The following COL4A6 variants were observed in gnomAD, a reference collection of about 807,000 sequenced individuals.
The protein encoded by COL4A6 is collagen alpha-6(IV) chain.
COL4A6 carries 59 observed loss-of-function variants against 126.7 expected under a neutral mutation model. The ratio of observed to expected loss-of-function variants is 0.47; its 90% CI spans 0.38 to 0.58. The LOEUF is 0.58. Among genes scored for constraint, COL4A6 ranks in the 20% least tolerant of loss-of-function variants. The pLI, the probability that COL4A6 is intolerant of heterozygous loss-of-function variation, is 0.00. For synonymous variants in COL4A6, 547 were observed against 496.6 expected, an observed-to-expected ratio of 1.10 and a Z score of -1.35; for missense variants, 1,285 against 1,337.3, an observed-to-expected ratio of 0.96 and a Z score of 0.61.
intron 3 of COL4A6, among the ~76,000 whole-genome samples, chrX:108,303,284 GGGAA>G (rs745708265): frequency 4.5e-5 from 5 of 111,013 alleles, no homozygotes; most frequent in Non-Finnish European, 9.5e-5. Context: ...TGGAGCAAGA[GGGAA>G]GGAAGTCTTG....
chrX:108,320,701 T>G (rs1008239356), intron 2 of COL4A6, among the ~76,000 whole-genome samples: 1 of 112,169 alleles, frequency 8.9e-6, no homozygotes, highest in Non-Finnish European at 1.9e-5. Context: ...TGGAATATAA[T>G]AAATTTGTCT....
chrX:108,192,394 C>T, intron 18 of COL4A6, 79 bp downstream of exon 18: 2 of 721,826 alleles, frequency 2.8e-6, no homozygotes, highest in Non-Finnish European at 4.2e-6. Flanking sequence ...TGCCCCGACC[C>T]AGAGGTATAG....
intron 2 of COL4A6, among the ~76,000 whole-genome samples, chrX:108,379,863 C>T (rs1044464228): frequency 2.7e-5 from 3 of 109,910 alleles, no homozygotes; most frequent in South Asian, 4.0e-4. Context: ...GAAGAATATC[C>T]CTCCAGCAGT....
At chrX:108,221,151 C>T (rs781284834) in intron 4 of COL4A6, 89 bp downstream of exon 4, 69 of 1,131,339 alleles carry the variant, frequency 6.1e-5, no homozygotes, top group Non-Finnish European at 7.8e-5. Context: ...GGAATGACAT[C>T]ATAAATGAGC....
chrX:108,318,649 C>T (rs926448091), intron 2 of COL4A6, among the ~76,000 whole-genome samples: 3 of 111,447 alleles, frequency 2.7e-5, no homozygotes, highest in Admixed American at 9.5e-5. Context: ...ATAAAATACC[C>T]AGGAATCCAA....
intron 2 of COL4A6, among the ~76,000 whole-genome samples, chrX:108,352,205 A>G (rs1212859071): frequency 8.9e-6 from 1 of 112,261 alleles, no homozygotes; most frequent in African/African-American, 3.2e-5. Context: ...CTCTATCTCC[A>G]CATAAAAAGA....
intron 3 of COL4A6, among the ~76,000 whole-genome samples, chrX:108,307,268 A>G (rs1370588088): frequency 8.9e-6 from 1 of 111,938 alleles, no homozygotes; most frequent in Non-Finnish European, 1.9e-5. Context: ...AAAGATTGCC[A>G]TTCTCTTAAA....
chrX:108,196,429 G>T, intron 14 of COL4A6, 82 bp downstream of exon 14: 1 of 932,438 alleles, frequency 1.1e-6, no homozygotes, highest in Non-Finnish European at 1.5e-6. Flanking sequence ...CAATCAAGTT[G>T]CAAAACATAA....
At chrX:108,273,211 C>G (rs2037501294) in intron 3 of COL4A6, among the ~76,000 whole-genome samples, 1 of 110,585 alleles carries the variant, frequency 9.0e-6, no homozygotes, top group African/African-American at 3.3e-5. Flanking sequence ...ATTTATGCAG[C>G]CAACAGACAC....
chrX:108,338,321 C>T (rs1380409905), intron 2 of COL4A6, among the ~76,000 whole-genome samples: 3 of 112,136 alleles, frequency 2.7e-5, no homozygotes, highest in African/African-American at 9.7e-5. Context: ...GGTAGACTGG[C>T]TTGTGCCTAG....
chrX:108,376,633 A>G, intron 2 of COL4A6, among the ~76,000 whole-genome samples: 1 of 112,266 alleles, frequency 8.9e-6, no homozygotes, highest in Non-Finnish European at 1.9e-5. Flanking sequence ...AAAATAAAAT[A>G]AAATGAATAA....
Position 108,160,585 on chromosome X carries a change from G to A in COL4A6, c.4403C>T (p.Thr1468Met), listed in dbSNP as rs779827760. The change falls in exon 43 of 45, where the codon ACG becomes ATG. Residue 1468 changes from threonine to methionine, a missense_variant. Physicochemically the swap from Thr to Met is moderately conservative, Grantham distance 81. Coordinates refer to ENST00000334504, the MANE Select transcript of COL4A6 (RefSeq NM_033641.4). ...MPGQSMRVGY[T>M]LVKHSQSEQV... ...TTCCGACTGGCTGTGCTTTACCAAC[G>A]TGTAGCCCACTCTCATGCTCTGGCC... 3.1e-5 allele frequency: 37 copies of A among 1,211,631 alleles called. No homozygotes were observed. Among genetic ancestry groups the A allele is most frequent in the Non-Finnish European group, 3.9e-5 (35 of 895,389 alleles).
chrX:108,429,062 G>A (rs1214501050), intron 2 of COL4A6, among the ~76,000 whole-genome samples: 1 of 112,272 alleles, frequency 8.9e-6, no homozygotes, highest in African/African-American at 3.2e-5. Flanking sequence ...GATGAAGAGA[G>A]AATTAACATG....
At chrX:108,301,117 C>A (rs1008409908) in intron 3 of COL4A6, among the ~76,000 whole-genome samples, 2 of 112,276 alleles carry the variant, frequency 1.8e-5, no homozygotes, top group Non-Finnish European at 3.8e-5. Context: ...TCCATTAATG[C>A]GAGTCTTCTC....
chrX:108,206,296 G>A (rs2035541576), intron 9 of COL4A6: 3 of 520,882 alleles, frequency 5.8e-6, no homozygotes, highest in Non-Finnish European at 3.5e-6. Context: ...GAGCTAGGGT[G>A]GGAGGCTTTA....
At chrX:108,266,847 GT>G (rs2037314940) in intron 3 of COL4A6, among the ~76,000 whole-genome samples, 1 of 111,655 alleles carries the variant, frequency 9.0e-6, no homozygotes, top group Non-Finnish European at 1.9e-5. Flanking sequence ...TAGATATCCT[GT>G]GAGTACATTT....
intron 2 of COL4A6, among the ~76,000 whole-genome samples, chrX:108,348,712 A>G (rs989221457): frequency 6.3e-5 from 7 of 111,719 alleles, no homozygotes; most frequent in African/African-American, 2.0e-4. Context: ...TTTGGGGGGG[A>G]AAAGTTCTAT....
chrX:108,193,647 T>A lies in COL4A6; in HGVS notation c.1053A>T (p.Ile351=), dbSNP rs1206997092. 2 of 1,207,512 alleles carry A rather than the reference T, an allele frequency of 1.7e-6. No individual in the cohort carries two copies. ...GLPGPDVFID[I]DGAVISGNPG... ...TTGCACCTGAGATCACAGCACCATCTATATCGATGAAAACATCTGGGCCTG... is the reference window on the plus strand; with the variant it reads ...TTGCACCTGAGATCACAGCACCATCAATATCGATGAAAACATCTGGGCCTG... The change falls in exon 17 of 45, where the codon ATA becomes ATT. Residue 351 remains isoleucine, a synonymous_variant. Coordinates refer to ENST00000334504, the MANE Select transcript of COL4A6 (RefSeq NM_033641.4).
intron 3 of COL4A6, among the ~76,000 whole-genome samples, chrX:108,252,103 T>A (rs1026665129): frequency 4.5e-5 from 5 of 111,280 alleles, no homozygotes; most frequent in African/African-American, 1.6e-4. Flanking sequence ...TATAAGTTTA[T>A]ACCCATTGAC....
Sources: allele counts gnomAD v4.1 joint callset (sites outside exome capture counted in the v4.1 genomes callset), GRCh38; gene constraint gnomAD v4.1.1; transcripts MANE v1.5; gene names NCBI Gene and HGNC (gene_info 2026-07-23, HGNC 2026-07-21).